The following DCDC2 variants were observed in gnomAD, a reference collection of about 807,000 sequenced individuals.
DCDC2 encodes doublecortin domain-containing protein 2.
A neutral mutation model predicts 50.2 loss-of-function variants in DCDC2; 40 were observed. That is an observed-to-expected ratio of 0.80 (90% CI 0.62 to 1.04). The LOEUF is 1.04. DCDC2 is among the 50% of genes least tolerant of loss of function. The pLI is 0.00. For missense variants in DCDC2, 570 were observed against 581.9 expected, an observed-to-expected ratio of 0.98 and a Z score of 0.21; for synonymous variants, 234 against 210.6, an observed-to-expected ratio of 1.11 and a Z score of -0.96.
At position 24,301,895 on chromosome 6, in the gene DCDC2, A is replaced by G. The variant is rs200840888; in HGVS notation, c.426-49T>C. The G allele has an allele frequency of 1.3e-5, 21 of 1,613,156 alleles. No individual in the cohort carries two copies. In the Admixed American group the frequency reaches 3.2e-4, roughly 24 times the overall value. ...CTGAAACAGTTATGCCTTGAAAACT[A>G]CAACACAAATTCCAAACCAAAAGGA... On this transcript the variant is annotated intron_variant, in intron 3 of 9. Transcript: ENST00000378454.
At chr6:24,359,544 T>C (rs1317774329), upstream of DCDC2, among the ~76,000 whole-genome samples, 1 of 112,240 alleles carries the variant, frequency 8.9e-6, no homozygotes, top group African/African-American at 3.6e-5. Flanking sequence ...TTTTATATAT[T>C]TTATATATAT....
chr6:24,310,812 C>T (rs1759557713), intron 2 of DCDC2, among the ~76,000 whole-genome samples: 1 of 152,124 alleles, frequency 6.6e-6, no homozygotes, highest in Admixed American at 6.5e-5. Flanking sequence ...AAATCACCTG[C>T]ATTTTTTTTC....
chr6:24,231,249 T>C (rs1033216856), intron 7 of DCDC2, among the ~76,000 whole-genome samples: 2 of 152,184 alleles, frequency 1.3e-5, no homozygotes, highest in Non-Finnish European at 2.9e-5. Context: ...AGGAGAATGT[T>C]CACGCCCTGA....
intron 8 of DCDC2, among the ~76,000 whole-genome samples, chr6:24,201,468 C>T (rs1331284096): frequency 6.6e-6 from 1 of 152,128 alleles, no homozygotes; most frequent in African/African-American, 2.4e-5. Context: ...AACAAACACA[C>T]AATGTACCAG....
chr6:24,207,706 C>T (rs1443854008), intron 7 of DCDC2, among the ~76,000 whole-genome samples: 1 of 152,072 alleles, frequency 6.6e-6, no homozygotes, highest in East Asian at 1.9e-4. Flanking sequence ...AAGCATGGTG[C>T]ACTGCAAAGA....
In DCDC2 at chr6:24,328,533, G is replaced by T. The variant is rs78762036; in HGVS notation, c.348+25036C>A. Among the ~76,000 whole-genome samples the T allele has an allele frequency of 8.0e-3, 1,216 of 152,244 alleles. 17 individuals carry two copies. The highest frequency in any genetic ancestry group is 0.027 in the African/African-American group (1,127 of 41,544). The stretch of plus-strand genomic sequence containing the variant: ...GCCAGAGCCCCCTTCTGCCAAGTTT[G>T]AGGGCCAAACCCACGCCCATGGCCA... On this transcript the variant is annotated intron_variant, in intron 2 of 9. Transcript: ENST00000378454.
the DCDC2 span, among the ~76,000 whole-genome samples, chr6:24,380,480 C>A: frequency 2.3e-3 from 357 of 152,228 alleles, no homozygotes; most frequent in African/African-American, 6.1e-3. Flanking sequence ...ATCAAAGTAT[C>A]AAGGAAGGAG....
chr6:24,220,891 T>C (rs62403467), intron 7 of DCDC2, among the ~76,000 whole-genome samples: 5,602 of 98,902 alleles, frequency 0.057, 192 homozygotes, highest in African/African-American at 0.085. Context: ...AGCGAGAGAG[T>C]GAGCGAGCGA....
intron 7 of DCDC2, among the ~76,000 whole-genome samples, chr6:24,241,761 C>G (rs1425052503): frequency 6.6e-6 from 1 of 152,220 alleles, no homozygotes; most frequent in Non-Finnish European, 1.5e-5. Flanking sequence ...TGATGGTTTA[C>G]TGTATGTCTT....
chr6:24,227,289 G>T (rs766521719), intron 7 of DCDC2, among the ~76,000 whole-genome samples: 31 of 152,080 alleles, frequency 2.0e-4, no homozygotes, highest in Non-Finnish European at 4.1e-4. Flanking sequence ...GATCAGAGAG[G>T]GTGAAAATTA....
chr6:24,343,204 T>C (rs553188389), intron 2 of DCDC2, among the ~76,000 whole-genome samples: 3 of 152,202 alleles, frequency 2.0e-5, no homozygotes, highest in South Asian at 2.1e-4. Flanking sequence ...TCTGCCACCA[T>C]GCCCAGCTAA....
At chr6:24,305,308 GTTGAA>G (rs1759451342) in intron 2 of DCDC2, among the ~76,000 whole-genome samples, 1 of 150,526 alleles carries the variant, frequency 6.6e-6, no homozygotes, top group Non-Finnish European at 1.5e-5. Context: ...TGATTAACCA[GTTGAA>G]TTGAAAACTA....
intron 8 of DCDC2, among the ~76,000 whole-genome samples, chr6:24,188,637 G>T (rs1761252380): frequency 6.6e-6 from 1 of 152,088 alleles, no homozygotes; most frequent in Non-Finnish European, 1.5e-5. Context: ...ATTTTTAAGA[G>T]AACCTGTTTT....
In DCDC2 at chr6:24,326,165, GA is replaced by G. The variant is rs768735149; in HGVS notation, c.349-24122del. Among the ~76,000 whole-genome samples, 15 of 69,918 alleles carry G rather than the reference GA, an allele frequency of 2.1e-4. 1 individual carries two copies. Among genetic ancestry groups the G allele is most frequent in the East Asian group, 1.6e-3 (3 of 1,868 alleles). 45.9% of individuals were successfully genotyped at this position (69,918 alleles called of 152,430 possible). A position where few individuals can be genotyped will look rare whatever the true frequency, so the allele number is the denominator to read the frequency against. On this transcript the variant is annotated intron_variant, in intron 2 of 9. Coordinates refer to ENST00000378454, the MANE Select transcript of DCDC2 (RefSeq NM_016356.5). Reference sequence around the variant, plus strand: ...AAAGAGAGGAAGGAAAGAGAGGAAGGAAAGGAAGGAAGGAAGGAAGGAAGGA... The same window carrying G: ...AAAGAGAGGAAGGAAAGAGAGGAAGGAAGGAAGGAAGGAAGGAAGGAAGGA...
intron 3 of DCDC2, 31 bp downstream of exon 3, chr6:24,301,937 T>G (rs761003155): frequency 1.2e-6 from 2 of 1,611,974 alleles, no homozygotes; most frequent in South Asian, 1.1e-5. Flanking sequence ...CAAGCCAATT[T>G]TAACTTGAAG....
In DCDC2 at chr6:24,278,154, G is replaced by A. The variant is rs146787541; in HGVS notation, c.817C>T (p.Pro273Ser). The part of the protein sequence containing the change: ...VGSSDNSSPQ[P>S]LKRKGKKEDV... Reference sequence around the variant, plus strand: ...TCTTTTTTCCCTTTCCTCTTCAGGGGCTGAGGAGATGAGTTGTCACTGGAT... The same window carrying A: ...TCTTTTTTCCCTTTCCTCTTCAGGGACTGAGGAGATGAGTTGTCACTGGAT... The change falls in exon 7 of 10, where the codon CCC becomes TCC. Residue 273 changes from proline (P) to serine (S), a missense_variant. Pro to Ser is a moderately conservative substitution (Grantham distance 74). Transcript: ENST00000378454. 167 of 1,613,398 alleles carry A rather than the reference G, an allele frequency of 1.0e-4. No homozygotes were observed. The African/African-American group carries it at 1.9e-3, about 18-fold the overall frequency.
At chr6:24,308,700 G>T (rs926383095) in intron 2 of DCDC2, among the ~76,000 whole-genome samples, 2 of 152,110 alleles carry the variant, frequency 1.3e-5, no homozygotes, top group Non-Finnish European at 2.9e-5. Context: ...GTGGAAAAAT[G>T]ATAAAATAAG....
chr6:24,185,771 G>C (rs1761191365), intron 8 of DCDC2, among the ~76,000 whole-genome samples: 1 of 151,380 alleles, frequency 6.6e-6, no homozygotes, highest in African/African-American at 2.4e-5. Flanking sequence ...AGTCTGCAAA[G>C]AAGGAAAAGG....
At chr6:24,222,210 G>A (rs866009060) in intron 7 of DCDC2, among the ~76,000 whole-genome samples, 7 of 152,258 alleles carry the variant, frequency 4.6e-5, no homozygotes, top group South Asian at 4.1e-4. Context: ...ATTTACAAAG[G>A]GAAACTCAGG....
Sources: allele counts gnomAD v4.1 joint callset (sites outside exome capture counted in the v4.1 genomes callset), GRCh38; gene constraint gnomAD v4.1.1; transcripts MANE v1.5; gene names NCBI Gene and HGNC (gene_info 2026-07-23, HGNC 2026-07-21).